Variants in NKAIN2 observed in about 807,000 individuals in gnomAD.
NKAIN2 encodes the protein sodium/potassium-transporting ATPase subunit beta-1-interacting protein 2.
Under a neutral mutation model 32.6 loss-of-function variants are expected in NKAIN2, and 14 were observed. The ratio of observed to expected loss-of-function variants is 0.43; its 90% CI spans 0.28 to 0.67. The LOEUF (loss-of-function observed/expected upper bound fraction) is 0.67, where lower values mean the gene tolerates loss of function less well. NKAIN2 is among the 30% of genes least tolerant of loss of function. The pLI is 0.17. For missense variants in NKAIN2, 198 were observed against 258.3 expected, an observed-to-expected ratio of 0.77 and a Z score of 1.60; for synonymous variants, 80 against 87.2, an observed-to-expected ratio of 0.92 and a Z score of 0.46.
At chr6:124,615,987 T>A (rs958507091) in intron 3 of NKAIN2, among the ~76,000 whole-genome samples, 2 of 152,210 alleles carry the variant, frequency 1.3e-5, no homozygotes, top group African/African-American at 4.8e-5. Flanking sequence ...ACACAGTAGC[T>A]CAAATCCCCA....
At chr6:124,534,585 C>T (rs768722001) in intron 3 of NKAIN2, among the ~76,000 whole-genome samples, 2 of 152,152 alleles carry the variant, frequency 1.3e-5, no homozygotes, top group Non-Finnish European at 2.9e-5. Flanking sequence ...ATAGTCGGTT[C>T]GAATTTCAGA....
intron 1 of NKAIN2, among the ~76,000 whole-genome samples, chr6:124,031,539 G>C (rs1781405656): frequency 1.3e-5 from 2 of 151,990 alleles, no homozygotes; most frequent in Admixed American, 1.3e-4. Flanking sequence ...TTTCTCTTGT[G>C]GACATTTAGT....
rs577485221 is a variant in NKAIN2 at position 123,968,161 on chromosome 6, C to T, written c.54+163907C>T. On this transcript the variant is annotated intron_variant, in intron 1 of 6. Coordinates refer to ENST00000368417, the MANE Select transcript of NKAIN2 (RefSeq NM_001040214.3). ...AACTTTTTGCTTTCAAATGTGTTCT[C>T]AGTATAATCACTGTGAGGCAGGGGG... Among the ~76,000 whole-genome samples the T allele has an allele frequency of 3.8e-4, 58 of 152,226 alleles. 1 individual carries two copies. The highest frequency in any genetic ancestry group is 2.9e-5 in the Non-Finnish European group (2 of 68,026).
At chr6:124,409,537 A>G (rs1478250937) in intron 3 of NKAIN2, among the ~76,000 whole-genome samples, 1 of 152,156 alleles carries the variant, frequency 6.6e-6, no homozygotes, top group Non-Finnish European at 1.5e-5. Context: ...CATCCCAGGG[A>G]TGAAGCCCAC....
At chr6:124,181,512 A>G (rs1359561044) in intron 1 of NKAIN2, among the ~76,000 whole-genome samples, 1 of 152,140 alleles carries the variant, frequency 6.6e-6, no homozygotes, top group Non-Finnish European at 1.5e-5. Context: ...CCTTTTAAAC[A>G]TAAGTTCCAA....
chr6:124,140,533 C>T (rs1038145618), intron 1 of NKAIN2, among the ~76,000 whole-genome samples: 2 of 152,038 alleles, frequency 1.3e-5, no homozygotes, highest in Non-Finnish European at 2.9e-5. Context: ...GTACTAGTTC[C>T]TCCCTAGAAT....
chr6:124,382,435 G>T (rs1390232277), intron 3 of NKAIN2, among the ~76,000 whole-genome samples: 1 of 152,130 alleles, frequency 6.6e-6, no homozygotes, highest in Non-Finnish European at 1.5e-5. Context: ...TCCCATTCTG[G>T]TAGAGTTCTG....
chr6:124,620,705 A>T (rs1395315844), intron 3 of NKAIN2, among the ~76,000 whole-genome samples: 1 of 152,188 alleles, frequency 6.6e-6, no homozygotes, highest in Non-Finnish European at 1.5e-5. Flanking sequence ...AAGCTTTTTA[A>T]CAGTGTGTAT....
chr6:124,011,412 T>C (rs530134768), intron 1 of NKAIN2, among the ~76,000 whole-genome samples: 22 of 152,156 alleles, frequency 1.4e-4, no homozygotes, highest in East Asian at 7.7e-4. Flanking sequence ...TTTTTTTTTT[T>C]AGCCTGAGAC....
At chr6:124,160,190 A>G (rs1166920674) in intron 1 of NKAIN2, among the ~76,000 whole-genome samples, 1 of 152,044 alleles carries the variant, frequency 6.6e-6, no homozygotes, top group Non-Finnish European at 1.5e-5. Flanking sequence ...AAAAAGGGAC[A>G]GAGCTAGAGG....
At chr6:124,205,360 G>A (rs1345348734) in intron 1 of NKAIN2, among the ~76,000 whole-genome samples, 1 of 79,716 alleles carries the variant, frequency 1.3e-5, no homozygotes, top group Non-Finnish European at 3.1e-5. Context: ...TTTCTTAGGT[G>A]CTAAAAAAAA....
intron 3 of NKAIN2, among the ~76,000 whole-genome samples, chr6:124,596,663 G>GTGTGTGT (rs1782099434): frequency 3.5e-5 from 5 of 142,516 alleles, no homozygotes; most frequent in African/African-American, 1.3e-4. Flanking sequence ...TAAACCATAG[G>GTGTGTGT]GTGTGTGTGT....
At position 124,150,489 on chromosome 6, in the gene NKAIN2, T is replaced by C. The variant is rs137855959; in HGVS notation, c.55-132516T>C. Among the ~76,000 whole-genome samples, 12 of 152,276 alleles carry C rather than the reference T, an allele frequency of 7.9e-5. No homozygotes were observed. In the East Asian group the frequency reaches 2.3e-3, roughly 29 times the overall value. On this transcript the variant is annotated intron_variant, in intron 1 of 6. Coordinates refer to ENST00000368417, the MANE Select transcript of NKAIN2 (RefSeq NM_001040214.3). ...TAGTTTGCCTTATACATTAATGATATTACCTGGTGCTCATGCCACATCCTA... is the reference window on the plus strand; with the variant it reads ...TAGTTTGCCTTATACATTAATGATACTACCTGGTGCTCATGCCACATCCTA...
At chr6:124,507,858 C>G (rs945589865) in intron 3 of NKAIN2, among the ~76,000 whole-genome samples, 1 of 152,108 alleles carries the variant, frequency 6.6e-6, no homozygotes, top group Non-Finnish European at 1.5e-5. Flanking sequence ...AAATAGAATT[C>G]AAGGGCTCCA....
At chr6:124,013,328 T>C (rs1412765628) in intron 1 of NKAIN2, among the ~76,000 whole-genome samples, 1 of 152,190 alleles carries the variant, frequency 6.6e-6, no homozygotes, top group Admixed American at 6.5e-5. Flanking sequence ...ATTTTATCAA[T>C]CTTTATAGAG....
intron 3 of NKAIN2, among the ~76,000 whole-genome samples, chr6:124,391,230 G>A (rs1407530966): frequency 1.3e-5 from 2 of 152,152 alleles, no homozygotes; most frequent in Admixed American, 6.6e-5. Flanking sequence ...CAAGTCTACA[G>A]TGAAGAAAGA....
intron 3 of NKAIN2, among the ~76,000 whole-genome samples, chr6:124,369,964 C>G (rs1799682230): frequency 7.6e-6 from 1 of 131,868 alleles, no homozygotes; most frequent in East Asian, 2.4e-4. Flanking sequence ...TATAAAAATA[C>G]AACTCAAGGG....
Position 123,964,956 on chromosome 6 carries a change from A to C in NKAIN2, c.54+160702A>C, listed in dbSNP as rs915318086. ...TTTGCCCTATTTAAGCCCTTGCTTA[A>C]ATTGATTGCCCAGGTAAACATTTTT... On this transcript the variant is annotated intron_variant, in intron 1 of 6. Coordinates refer to ENST00000368417, the MANE Select transcript of NKAIN2 (RefSeq NM_001040214.3). This position sits in a 1 kb window ranked among gnomAD's most constrained non-coding sequence, Gnocchi z 4.0. Among the ~76,000 whole-genome samples, 4 of 152,024 alleles carry C rather than the reference A, an allele frequency of 2.6e-5. No homozygotes were observed. Among genetic ancestry groups the C allele is most frequent in the African/African-American group, 9.7e-5 (4 of 41,396 alleles).
At chr6:124,747,922 T>C (rs1777518544) in intron 4 of NKAIN2, among the ~76,000 whole-genome samples, 1 of 151,958 alleles carries the variant, frequency 6.6e-6, no homozygotes, top group Admixed American at 6.6e-5. Flanking sequence ...TTAGCACTTC[T>C]TTTAAATGTT....
Sources: gnomAD v4.1 joint callset for allele counts (sites outside exome capture counted in the v4.1 genomes callset) on GRCh38, gnomAD v4.1.1 for gene constraint, Gnocchi (gnomAD v3.1) non-coding constraint, MANE v1.5 for transcripts, NCBI Gene and HGNC (gene_info 2026-07-23, HGNC 2026-07-21) for gene names.